The following AGBL1 variants were observed in gnomAD, a reference collection of about 807,000 sequenced individuals.
AGBL1 encodes AGBL carboxypeptidase 1.
A neutral mutation model predicts 118.9 loss-of-function variants in AGBL1; 130 were observed. That is an observed-to-expected ratio of 1.09 (90% CI 0.95 to 1.26). The LOEUF is 1.26. Among genes scored for constraint, AGBL1 ranks in the 50% most tolerant of loss-of-function variants. AGBL1 has a pLI of 0.00. For missense variants in AGBL1, 1,584 were observed against 1,298.1 expected (o/e 1.22, Z -3.38); for synonymous variants, 555 against 478.9 (o/e 1.16, Z -2.08).
intron 18 of AGBL1, among the ~76,000 whole-genome samples, chr15:86,407,602 T>G (rs2081548648): frequency 6.6e-6 from 1 of 152,298 alleles, no homozygotes; most frequent in South Asian, 2.1e-4. Flanking sequence ...GTAAAGTTTG[T>G]GTACTACTCA....
chr15:86,100,224 A>C (rs140675731), intron 1 of AGBL1, among the ~76,000 whole-genome samples: 6 of 152,244 alleles, frequency 3.9e-5, no homozygotes, highest in Non-Finnish European at 7.4e-5. Flanking sequence ...GATGCATGTT[A>C]GATTTAGTAA....
rs895909294 is a variant in AGBL1, at chr15:86,517,882, G to A, written c.2556-4928G>A. Among the ~76,000 whole-genome samples, 6 of 152,092 alleles carry A rather than the reference G, an allele frequency of 3.9e-5. No homozygotes were observed. The East Asian group carries it at 7.7e-4, about 20-fold the overall frequency. On this transcript the variant is annotated intron_variant, in intron 18 of 22. Transcript: ENST00000614907. Reference sequence around the variant, plus strand: ...TGGCCGATAGTCCCCCATGCTCTTCGTCGTGTTCTTGAAGCTTTCATGCAT... The same window carrying A: ...TGGCCGATAGTCCCCCATGCTCTTCATCGTGTTCTTGAAGCTTTCATGCAT...
At chr15:86,879,520 G>A (rs902720754) in intron 22 of AGBL1, among the ~76,000 whole-genome samples, 1 of 152,004 alleles carries the variant, frequency 6.6e-6, no homozygotes, top group Non-Finnish European at 1.5e-5. Flanking sequence ...ACTCCTCCTT[G>A]CCCTCTTGCT....
chr15:86,494,738 T>A (rs1292527352), intron 18 of AGBL1, among the ~76,000 whole-genome samples: 1 of 152,110 alleles, frequency 6.6e-6, no homozygotes, highest in Non-Finnish European at 1.5e-5. Context: ...TGTCATCCTT[T>A]ACTCTAGAAC....
intron 1 of AGBL1, among the ~76,000 whole-genome samples, chr15:86,090,764 T>C (rs1456705504): frequency 1.3e-5 from 2 of 152,186 alleles, no homozygotes; most frequent in Non-Finnish European, 2.9e-5. Context: ...GCAAAGCTTT[T>C]CCCCCATGAT....
At chr15:86,680,205 T>A (rs1466467176) in intron 22 of AGBL1, among the ~76,000 whole-genome samples, 1 of 152,216 alleles carries the variant, frequency 6.6e-6, no homozygotes, top group East Asian at 1.9e-4. Context: ...CAACTTTGTG[T>A]TTAATGACTT....
At chr15:86,603,142 T>C (rs894212248) in intron 21 of AGBL1, among the ~76,000 whole-genome samples, 4 of 152,136 alleles carry the variant, frequency 2.6e-5, no homozygotes, top group Non-Finnish European at 2.9e-5. Flanking sequence ...TTTCCTTTTA[T>C]TCTCAGAACT....
At chr15:86,499,306 C>T (rs1305273737) in intron 18 of AGBL1, among the ~76,000 whole-genome samples, 2 of 151,894 alleles carry the variant, frequency 1.3e-5, no homozygotes, top group Admixed American at 1.3e-4. Flanking sequence ...ATTGTCTAAT[C>T]TCTCCTCAAG....
chr15:86,824,618 G>A (rs2078982930), intron 22 of AGBL1, among the ~76,000 whole-genome samples: 1 of 151,774 alleles, frequency 6.6e-6, no homozygotes, highest in Non-Finnish European at 1.5e-5. Flanking sequence ...ACATATCCTA[G>A]AGTAGCTAAA....
intron 21 of AGBL1, among the ~76,000 whole-genome samples, chr15:86,611,113 TCTTGGTAG>T (rs1772673252): frequency 6.6e-6 from 1 of 152,206 alleles, no homozygotes. Context: ...TTGTATCTGC[TCTTGGTAG>T]CTTGCAATTT....
chr15:86,601,165 A>G (rs77103838), intron 21 of AGBL1, among the ~76,000 whole-genome samples: 2,030 of 152,246 alleles, frequency 0.013, 47 homozygotes, highest in African/African-American at 0.043. Context: ...TGGTGGGAAT[A>G]ATAGGGAAAA....
rs2080320170 is a variant in AGBL1, at chr15:86,909,343, A to G, written c.*2049A>G. 6.6e-6 allele frequency: 1 copy of G among 152,226 alleles called. No individual in the cohort carries two copies. 9.4% of individuals were successfully genotyped at this position (152,226 alleles called of 1,614,324 possible). A position where few individuals can be genotyped will look rare whatever the true frequency, so the allele number is the denominator to read the frequency against. On this transcript the variant is annotated 3_prime_UTR_variant, in exon 23 of 23. Coordinates refer to ENST00000614907, the MANE Select transcript of AGBL1 (RefSeq NM_001386094.1). Reference sequence around the variant, plus strand: ...CTGATGTTCCAAACACCACCAAGGGAGTTTTGGATATATCAGAATAATCTC... The same window carrying G: ...CTGATGTTCCAAACACCACCAAGGGGGTTTTGGATATATCAGAATAATCTC...
At chr15:86,812,412 A>T (rs2078801891) in intron 22 of AGBL1, among the ~76,000 whole-genome samples, 1 of 152,244 alleles carries the variant, frequency 6.6e-6, no homozygotes, top group Non-Finnish European at 1.5e-5. Context: ...GACTAATAGA[A>T]TTCTCAACTT....
intron 18 of AGBL1, among the ~76,000 whole-genome samples, chr15:86,495,855 T>A (rs2082846526): frequency 6.6e-6 from 1 of 151,952 alleles, no homozygotes; most frequent in East Asian, 1.9e-4. Flanking sequence ...TTTTTTTTCC[T>A]ATTTGATCTG....
At chr15:86,698,998 A>G (rs1436812871) in intron 22 of AGBL1, among the ~76,000 whole-genome samples, 4 of 152,088 alleles carry the variant, frequency 2.6e-5, no homozygotes, top group Non-Finnish European at 5.9e-5. Flanking sequence ...AAAAGTCTCT[A>G]TAACTTTCTT....
At chr15:86,202,980 A>G (rs1325996512) in intron 5 of AGBL1, among the ~76,000 whole-genome samples, 1 of 152,172 alleles carries the variant, frequency 6.6e-6, no homozygotes, top group Non-Finnish European at 1.5e-5. Context: ...GCTACTTGAG[A>G]GGCTGAGGCT....
At chr15:86,200,448 A>T (rs2077885007) in intron 5 of AGBL1, among the ~76,000 whole-genome samples, 1 of 151,822 alleles carries the variant, frequency 6.6e-6, no homozygotes, top group African/African-American at 2.4e-5. Context: ...CAGATTTCAG[A>T]TACTGGAAGC....
intron 22 of AGBL1, among the ~76,000 whole-genome samples, chr15:86,816,130 A>G (rs2078854592): frequency 6.6e-6 from 1 of 152,226 alleles, no homozygotes; most frequent in Non-Finnish European, 1.5e-5. Flanking sequence ...CTTCCAGAGG[A>G]ATTAAAGAGA....
At chr15:86,425,379 AG>A in intron 18 of AGBL1, among the ~76,000 whole-genome samples, 1 of 149,008 alleles carries the variant, frequency 6.7e-6, no homozygotes, top group Non-Finnish European at 1.5e-5. Flanking sequence ...TCACACACCA[AG>A]GCCTGTTTGG....
Sources: gnomAD v4.1 joint callset for allele counts (sites outside exome capture counted in the v4.1 genomes callset) on GRCh38, gnomAD v4.1.1 for gene constraint, MANE v1.5 for transcripts, NCBI Gene and HGNC (gene_info 2026-07-23, HGNC 2026-07-21) for gene names.